The following BTG4 variants were observed in gnomAD, a reference collection of about 807,000 sequenced individuals.
BTG4 encodes the protein BTG anti-proliferation factor 4, also known as protein BTG4.
Under a neutral mutation model 19.3 loss-of-function variants are expected in BTG4, and 10 were observed. The observed-to-expected ratio is 0.52, with a 90% CI of 0.32 to 0.88. The LOEUF (loss-of-function observed/expected upper bound fraction) is 0.88. Ranked by LOEUF, BTG4 falls within the 40% of genes least tolerant of loss-of-function variation. The pLI is 0.04. For synonymous variants in BTG4, 91 were observed against 95.7 expected (o/e 0.95, Z 0.29); for missense variants, 238 against 281.9 (o/e 0.84, Z 1.11).
At chr11:111,427,921 C>A in the BTG4 span, among the ~76,000 whole-genome samples, 9 of 152,250 alleles carry the variant, frequency 5.9e-5, no homozygotes, top group South Asian at 1.9e-3. Context: ...GTTCCCCCCA[C>A]CCCGAACATT....
the BTG4 span, among the ~76,000 whole-genome samples, chr11:111,443,592 G>GA: frequency 2.0e-5 from 3 of 151,804 alleles, no homozygotes; most frequent in African/African-American, 4.8e-5. Flanking sequence ...AAAACAGAGG[G>GA]AAAAAAAAGA....
chr11:111,455,658 C>T, the BTG4 span: 1 of 369,614 alleles, frequency 2.7e-6, no homozygotes, highest in Non-Finnish European at 5.7e-6. Context: ...CTTAGGGAGA[C>T]ATGAAATGGG....
chr11:111,501,099 G>A (rs1437603452), intron 1 of BTG4, among the ~76,000 whole-genome samples: 1 of 151,784 alleles, frequency 6.6e-6, no homozygotes, highest in Non-Finnish European at 1.5e-5. Context: ...CTGGGCAGAT[G>A]GCCTCATGCC....
At chr11:111,391,803 AG>A in the BTG4 span, among the ~76,000 whole-genome samples, 5 of 152,186 alleles carry the variant, frequency 3.3e-5, no homozygotes, top group African/African-American at 1.2e-4. Context: ...AACAGTGTGA[AG>A]ATAAATTAGA....
the BTG4 span, among the ~76,000 whole-genome samples, chr11:111,389,150 C>T: frequency 6.6e-6 from 1 of 152,202 alleles, no homozygotes; most frequent in Non-Finnish European, 1.5e-5. Context: ...GGGCAACTTT[C>T]TGTCATGGGT....
At chr11:111,413,427 C>T in the BTG4 span, among the ~76,000 whole-genome samples, 13 of 152,370 alleles carry the variant, frequency 8.5e-5, no homozygotes, top group African/African-American at 3.1e-4. Context: ...TTGGTGAATG[C>T]CCACATAGCA....
At chr11:111,385,889 T>C in the BTG4 span, 2 of 152,174 alleles carry the variant, frequency 1.3e-5, no homozygotes, top group African/African-American at 4.8e-5. Flanking sequence ...GCTGGCCCAG[T>C]GTATTGGCTT....
chr11:111,438,260 A>G, the BTG4 span, among the ~76,000 whole-genome samples: 5 of 152,154 alleles, frequency 3.3e-5, no homozygotes, highest in African/African-American at 1.2e-4. Context: ...TCTGACTCCA[A>G]TTTGTGTGGG....
chr11:111,501,101 CCT>C (rs1866047622), intron 1 of BTG4, among the ~76,000 whole-genome samples: 1 of 151,892 alleles, frequency 6.6e-6, no homozygotes, highest in Non-Finnish European at 1.5e-5. Context: ...GGGCAGATGG[CCT>C]CATGCCTGAA....
At chr11:111,453,530 G>A in the BTG4 span, 10 of 456,542 alleles carry the variant, frequency 2.2e-5, no homozygotes, top group Non-Finnish European at 4.0e-5. Context: ...ATGTCAATAA[G>A]GAGAGGCCGA....
chr11:111,507,795 A>G (rs944304001), intron 1 of BTG4: 2 of 151,876 alleles, frequency 1.3e-5, no homozygotes, highest in Non-Finnish European at 2.9e-5. Context: ...TCCTCATTCT[A>G]TTTTCTATTC....
At chr11:111,469,046 C>T (rs977930104) in intron 5 of BTG4, among the ~76,000 whole-genome samples, 1 of 152,142 alleles carries the variant, frequency 6.6e-6, no homozygotes. Flanking sequence ...AACAATTTTT[C>T]CCCGGTCATC....
chr11:111,437,550 G>A, the BTG4 span, among the ~76,000 whole-genome samples: 6 of 152,196 alleles, frequency 3.9e-5, no homozygotes, highest in Admixed American at 2.6e-4. Flanking sequence ...GGCTCCCTCT[G>A]CAAGAAGGTT....
At chr11:111,505,797 T>A (rs941743305) in intron 1 of BTG4, among the ~76,000 whole-genome samples, 1 of 151,792 alleles carries the variant, frequency 6.6e-6, no homozygotes, top group Non-Finnish European at 1.5e-5. Flanking sequence ...AACAAACCAA[T>A]TGAAAATGGG....
At chr11:111,422,913 G>A in the BTG4 span, among the ~76,000 whole-genome samples, 1 of 152,174 alleles carries the variant, frequency 6.6e-6, no homozygotes, top group Non-Finnish European at 1.5e-5. Flanking sequence ...GGCAGCTTTG[G>A]TCTTAGTAAG....
chr11:111,494,412 T>C (rs1410032542), downstream of BTG4, among the ~76,000 whole-genome samples: 2 of 152,226 alleles, frequency 1.3e-5, no homozygotes, highest in Admixed American at 6.5e-5. Flanking sequence ...TTTTGGCTAA[T>C]AAAGTGAAGC....
At chr11:111,471,634 A>C (rs140433127) in intron 5 of BTG4, among the ~76,000 whole-genome samples, 3 of 152,040 alleles carry the variant, frequency 2.0e-5, no homozygotes, top group Admixed American at 6.5e-5. Flanking sequence ...CCCCTTCTCC[A>C]GTCTATATTT....
At chr11:111,416,288 G>C in the BTG4 span, 2 of 151,880 alleles carry the variant, frequency 1.3e-5, no homozygotes, top group African/African-American at 2.4e-5. Flanking sequence ...AACAAACTGG[G>C]CCTCTCTTCC....
the BTG4 span, chr11:111,396,806 TA>T: frequency 6.6e-6 from 1 of 152,256 alleles, no homozygotes; most frequent in East Asian, 1.9e-4. Context: ...AGTTAAGAGT[TA>T]AGAGTTTCTG....
Sources: gnomAD v4.1 joint callset for allele counts (sites outside exome capture counted in the v4.1 genomes callset) on GRCh38, gnomAD v4.1.1 for gene constraint, MANE v1.5 for transcripts, NCBI Gene and HGNC (gene_info 2026-07-23, HGNC 2026-07-21) for gene names.